Variants in MARK1 observed in about 807,000 individuals in gnomAD.
MARK1 encodes the protein microtubule affinity regulating kinase 1.
In MARK1, 40 loss-of-function variants were observed where a neutral mutation model predicts 96.3. The ratio of observed to expected loss-of-function variants is 0.42; its 90% CI spans 0.32 to 0.54. The LOEUF is 0.54. Ranked by LOEUF, MARK1 falls within the 20% of genes least tolerant of loss-of-function variation. The pLI is 0.16. For synonymous variants in MARK1, 317 were observed against 341.2 expected, an observed-to-expected ratio of 0.93 and a Z score of 0.78; for missense variants, 719 against 984.6, an observed-to-expected ratio of 0.73 and a Z score of 3.61.
chr1:220,577,459 C>G (rs1663941724), intron 1 of MARK1, among the ~76,000 whole-genome samples: 1 of 152,182 alleles, frequency 6.6e-6, no homozygotes, highest in Non-Finnish European at 1.5e-5. Flanking sequence ...CAGTGAATAA[C>G]TTTGTATTTT....
At chr1:220,530,855 T>G (rs1037995737) in intron 1 of MARK1, among the ~76,000 whole-genome samples, 1 of 152,222 alleles carries the variant, frequency 6.6e-6, no homozygotes, top group South Asian at 2.1e-4. Flanking sequence ...TAGCTTACTT[T>G]ACCCACACCT....
At chr1:220,597,501 T>A (rs1317897704) in intron 3 of MARK1, among the ~76,000 whole-genome samples, 1 of 152,230 alleles carries the variant, frequency 6.6e-6, no homozygotes, top group Non-Finnish European at 1.5e-5. Context: ...GTTCAACATC[T>A]TTTTGTGTTC....
rs1486373462 is a variant in MARK1 at position 220,528,741 on chromosome 1, G to C, written c.-82G>C. The C allele has an allele frequency of 7.5e-7, 1 of 1,341,986 alleles. No individual in the cohort carries two copies. The highest frequency in any genetic ancestry group is 1.0e-6 in the Non-Finnish European group (1 of 980,914). 83.1% of individuals were successfully genotyped at this position (1,341,986 alleles called of 1,614,324 possible). A position where few individuals can be genotyped will look rare whatever the true frequency, so the allele number is the denominator to read the frequency against. On this transcript the variant is annotated 5_prime_UTR_variant, in exon 1 of 18. Transcript: ENST00000366917. Reference sequence around the variant, plus strand: ...TCGCCCCGGCCTTGTGCTCGCGTCCGCACCCCTTTCCTGTCGCCCCCCGGG... The same window carrying C: ...TCGCCCCGGCCTTGTGCTCGCGTCCCCACCCCTTTCCTGTCGCCCCCCGGG...
At chr1:220,547,802 G>A (rs1266718364) in intron 1 of MARK1, among the ~76,000 whole-genome samples, 1 of 152,142 alleles carries the variant, frequency 6.6e-6, no homozygotes, top group African/African-American at 2.4e-5. Context: ...TCCTGACCTC[G>A]TGATCTGCCT....
At position 220,579,284 on chromosome 1, in the gene MARK1, T is replaced by C. The variant is rs570278792; in HGVS notation, c.52-70T>C. The C allele has an allele frequency of 3.2e-5, 32 of 1,009,132 alleles. No homozygotes were observed. The South Asian group carries it at 4.4e-4, about 14-fold the overall frequency. The allele number at this position is 1,009,132 out of a possible 1,614,324, so 62.5% of individuals were successfully genotyped here. ...TGAAGAATTGGTAATAATAATTATT[T>C]GTACTCTTTTTACTTGTCCTTTTAT... On this transcript the variant is annotated intron_variant, in intron 1 of 17. Coordinates refer to ENST00000366917, the MANE Select transcript of MARK1 (RefSeq NM_018650.5).
At chr1:220,553,027 G>A (rs1661974526) in intron 1 of MARK1, among the ~76,000 whole-genome samples, 1 of 152,202 alleles carries the variant, frequency 6.6e-6, no homozygotes. Context: ...GCAAGAATGG[G>A]TGGCTGGAGA....
At chr1:220,595,736 A>G (rs1335352693) in intron 3 of MARK1, among the ~76,000 whole-genome samples, 1 of 152,200 alleles carries the variant, frequency 6.6e-6, no homozygotes, top group Admixed American at 6.5e-5. Flanking sequence ...AGATGTGTGG[A>G]TAACAGGTTG....
chr1:220,626,167 C>G, intron 9 of MARK1: 1 of 592,964 alleles, frequency 1.7e-6, no homozygotes, highest in Non-Finnish European at 3.3e-6. Context: ...TGCCAAGAAG[C>G]CTGAGGCATC....
chr1:220,566,881 C>T (rs993945398), intron 1 of MARK1, among the ~76,000 whole-genome samples: 4 of 152,062 alleles, frequency 2.6e-5, no homozygotes, highest in African/African-American at 9.7e-5. Flanking sequence ...GCTTGAGAAA[C>T]TGGTAACATC....
At chr1:220,585,063 G>A (rs1664507964) in intron 3 of MARK1, among the ~76,000 whole-genome samples, 1 of 152,158 alleles carries the variant, frequency 6.6e-6, no homozygotes, top group African/African-American at 2.4e-5. Flanking sequence ...TATGTAGACT[G>A]CATAAGTTAT....
At chr1:220,545,635 C>T (rs12059796) in intron 1 of MARK1, among the ~76,000 whole-genome samples, 8,519 of 151,696 alleles carry the variant, frequency 0.056, 761 homozygotes, top group African/African-American at 0.19. Flanking sequence ...ATGGGAGTTT[C>T]GACATGTTGC....
chr1:220,538,297 G>T (rs1660872087), intron 1 of MARK1, among the ~76,000 whole-genome samples: 1 of 151,884 alleles, frequency 6.6e-6, no homozygotes, highest in Non-Finnish European at 1.5e-5. Flanking sequence ...TCTACATATG[G>T]CTAGCCAGTT....
chr1:220,577,713 C>G (rs1663964234), intron 1 of MARK1, among the ~76,000 whole-genome samples: 1 of 152,162 alleles, frequency 6.6e-6, no homozygotes, highest in Non-Finnish European at 1.5e-5. Flanking sequence ...ATCTGGCAGC[C>G]TGTAATGTGC....
At chr1:220,556,087 T>C (rs1279479790) in intron 1 of MARK1, among the ~76,000 whole-genome samples, 1 of 152,218 alleles carries the variant, frequency 6.6e-6, no homozygotes, top group East Asian at 1.9e-4. Flanking sequence ...GCATAAGAGT[T>C]GGGACATGTA....
intron 1 of MARK1, among the ~76,000 whole-genome samples, chr1:220,579,032 G>A (rs966646644): frequency 3.9e-5 from 6 of 152,002 alleles, no homozygotes; most frequent in Admixed American, 3.3e-4. Flanking sequence ...TGTAGAGATG[G>A]GGTTTCACTG....
At chr1:220,658,583 T>G (rs1669302890) in intron 17 of MARK1, among the ~76,000 whole-genome samples, 1 of 152,178 alleles carries the variant, frequency 6.6e-6, no homozygotes, top group Admixed American at 6.5e-5. Flanking sequence ...TTATTTTGAG[T>G]GTACCCAAGC....
chr1:220,553,006 G>T (rs1661973058), intron 1 of MARK1, among the ~76,000 whole-genome samples: 1 of 152,168 alleles, frequency 6.6e-6, no homozygotes, highest in Admixed American at 6.5e-5. Context: ...CTTTGTTCAT[G>T]AGGCCATTGG....
chr1:220,626,131 G>A (rs1407282648), intron 9 of MARK1: 2 of 618,008 alleles, frequency 3.2e-6, no homozygotes, highest in Non-Finnish European at 6.2e-6. Flanking sequence ...AGACATCGCT[G>A]TGAATTGGGC....
At chr1:220,640,490 T>C (rs1024390442) in intron 13 of MARK1, among the ~76,000 whole-genome samples, 4 of 152,194 alleles carry the variant, frequency 2.6e-5, no homozygotes, top group African/African-American at 9.6e-5. Context: ...AATGGTTGGA[T>C]AAATGTTTTG....
Sources: allele counts gnomAD v4.1 joint callset (sites outside exome capture counted in the v4.1 genomes callset), GRCh38; gene constraint gnomAD v4.1.1; transcripts MANE v1.5; gene names NCBI Gene and HGNC (gene_info 2026-07-23, HGNC 2026-07-21).